The following LSAMP variants were observed in gnomAD, a reference collection of about 807,000 sequenced individuals.
LSAMP encodes the protein limbic system associated membrane protein, also known as limbic system-associated membrane protein.
Under a neutral mutation model 38.6 loss-of-function variants are expected in LSAMP, and 7 were observed. The observed-to-expected ratio is 0.18, with a 90% CI of 0.10 to 0.34. The LOEUF is 0.34. LSAMP is among the 10% of genes least tolerant of loss of function. LSAMP has a pLI of 1.00. For synonymous variants in LSAMP, 154 were observed against 166.8 expected, an observed-to-expected ratio of 0.92 and a Z score of 0.59; for missense variants, 313 against 420.0, an observed-to-expected ratio of 0.75 and a Z score of 2.23.
intron 3 of LSAMP, among the ~76,000 whole-genome samples, chr3:115,952,778 T>A (rs2107580374): frequency 6.6e-6 from 1 of 152,286 alleles, no homozygotes; most frequent in South Asian, 2.1e-4. Context: ...GGGCCTGATC[T>A]CTTGCAGAAA....
chr3:116,008,881 G>C (rs1940243777), intron 3 of LSAMP, among the ~76,000 whole-genome samples: 1 of 152,040 alleles, frequency 6.6e-6, no homozygotes, highest in African/African-American at 2.4e-5. Context: ...GGGATCTTGA[G>C]GAAATGCAGA....
chr3:116,442,511 C>T (rs1035302154), intron 1 of LSAMP, among the ~76,000 whole-genome samples: 1 of 152,086 alleles, frequency 6.6e-6, no homozygotes, highest in Non-Finnish European at 1.5e-5. Flanking sequence ...GAGCACCATT[C>T]TTCACCAGGA....
intron 1 of LSAMP, among the ~76,000 whole-genome samples, chr3:116,090,067 G>T (rs998448082): frequency 4.6e-5 from 7 of 151,498 alleles, no homozygotes; most frequent in African/African-American, 1.7e-4. Context: ...AAAATGGTAG[G>T]ACCAGGCACG....
In LSAMP at chr3:115,852,083, G is replaced by A. The variant is rs141832042; in HGVS notation, c.649+400C>T. 5.9e-5 allele frequency among the ~76,000 whole-genome samples: 9 copies of A among 152,276 alleles called. No individual in the cohort carries two copies. The South Asian group carries it at 1.5e-3, about 25-fold the overall frequency. ...ATAGCAGAGGATAAAATATAATCTT[G>A]AGGCATTCCCTCCTGACAAACAATG... On this transcript the variant is annotated intron_variant, in intron 4 of 6. Coordinates refer to ENST00000490035, the MANE Select transcript of LSAMP (RefSeq NM_002338.5).
intron 1 of LSAMP, among the ~76,000 whole-genome samples, chr3:116,391,943 A>G (rs1036891828): frequency 6.6e-6 from 1 of 152,084 alleles, no homozygotes; most frequent in Admixed American, 6.5e-5. Context: ...GCCAACCCTG[A>G]CACTCCAAAT....
At position 116,290,719 on chromosome 3, in the gene LSAMP, G is replaced by A. The variant is rs1348458173; in HGVS notation, c.155+154158C>T. ...CACTCCAGCCTGGGTGACAGAGCGA[G>A]ACTCTGTCTCACAAAAATAATAATA... On this transcript the variant is annotated intron_variant, in intron 1 of 6. Coordinates refer to ENST00000490035, the MANE Select transcript of LSAMP (RefSeq NM_002338.5). 2.8e-5 allele frequency among the ~76,000 whole-genome samples: 4 copies of A among 142,684 alleles called. No homozygotes were observed. The South Asian group carries it at 7.0e-4, about 25-fold the overall frequency. 93.6% of individuals were successfully genotyped at this position (142,684 alleles called of 152,430 possible).
At chr3:115,966,020 G>T (rs536730719) in intron 3 of LSAMP, among the ~76,000 whole-genome samples, 28 of 152,116 alleles carry the variant, frequency 1.8e-4, no homozygotes, top group Middle Eastern at 3.4e-3. Context: ...TTGTTAGCTG[G>T]CTCCATGGCA....
chr3:116,204,529 T>C (rs2046038371), intron 1 of LSAMP, among the ~76,000 whole-genome samples: 1 of 150,720 alleles, frequency 6.6e-6, no homozygotes, highest in African/African-American at 2.4e-5. Flanking sequence ...GTTTTTATGG[T>C]TTTAGGTCTA....
chr3:115,863,992 T>C (rs1270332479), intron 3 of LSAMP, among the ~76,000 whole-genome samples: 1 of 152,082 alleles, frequency 6.6e-6, no homozygotes, highest in Non-Finnish European at 1.5e-5. Flanking sequence ...TCTAATTAGG[T>C]GGACAAAAAG....
At chr3:116,327,664 T>C (rs889840371) in intron 1 of LSAMP, among the ~76,000 whole-genome samples, 1 of 152,210 alleles carries the variant, frequency 6.6e-6, no homozygotes, top group African/African-American at 2.4e-5. Flanking sequence ...CACTGAATTT[T>C]AGATCCATTC....
chr3:116,210,588 G>T (rs1250998680), intron 1 of LSAMP, among the ~76,000 whole-genome samples: 1 of 152,148 alleles, frequency 6.6e-6, no homozygotes, highest in African/African-American at 2.4e-5. Flanking sequence ...GACTCGGACT[G>T]GCTTCCTGGC....
At chr3:116,308,158 C>G (rs114851380) in intron 1 of LSAMP, among the ~76,000 whole-genome samples, 1,800 of 152,006 alleles carry the variant, frequency 0.012, 47 homozygotes, top group African/African-American at 0.042. Context: ...CCTATTAGAT[C>G]CTGCTTTTCC....
At chr3:116,126,072 A>T (rs1303170362) in intron 1 of LSAMP, among the ~76,000 whole-genome samples, 1 of 152,246 alleles carries the variant, frequency 6.6e-6, no homozygotes, top group Non-Finnish European at 1.5e-5. Context: ...ACTTTGGAAG[A>T]TGGGAATAAA....
intron 3 of LSAMP, among the ~76,000 whole-genome samples, chr3:116,014,362 A>T (rs1473968759): frequency 5.9e-5 from 9 of 152,194 alleles, no homozygotes; most frequent in Non-Finnish European, 1.2e-4. Context: ...GTCAAGATTA[A>T]TCTGAGTATA....
intron 1 of LSAMP, among the ~76,000 whole-genome samples, chr3:116,328,687 GA>G (rs1043477717): frequency 9.9e-5 from 15 of 152,104 alleles, no homozygotes; most frequent in African/African-American, 3.6e-4. Flanking sequence ...TGTCAACAAA[GA>G]AGGCCCATCT....
At chr3:116,063,242 T>C (rs1314565396) in intron 2 of LSAMP, among the ~76,000 whole-genome samples, 2 of 152,288 alleles carry the variant, frequency 1.3e-5, no homozygotes, top group East Asian at 3.9e-4. Flanking sequence ...TTAAATATTT[T>C]ACAATAGAAA....
chr3:115,917,198 A>G (rs1937270488), intron 3 of LSAMP, among the ~76,000 whole-genome samples: 1 of 152,224 alleles, frequency 6.6e-6, no homozygotes, highest in Admixed American at 6.5e-5. Flanking sequence ...TATTAAGGTG[A>G]GGGTTGAACT....
At chr3:115,876,609 A>G (rs1936186221) in intron 3 of LSAMP, among the ~76,000 whole-genome samples, 2 of 152,102 alleles carry the variant, frequency 1.3e-5, no homozygotes, top group Admixed American at 1.3e-4. Flanking sequence ...AACCATGTGC[A>G]GTGACTTCAC....
intron 3 of LSAMP, among the ~76,000 whole-genome samples, chr3:115,998,805 C>T (rs1939902569): frequency 6.6e-6 from 1 of 152,004 alleles, no homozygotes; most frequent in Non-Finnish European, 1.5e-5. Flanking sequence ...CCCAGTTCTC[C>T]CATCTCCCGC....
Sources: gnomAD v4.1 joint callset for allele counts (sites outside exome capture counted in the v4.1 genomes callset) on GRCh38, gnomAD v4.1.1 for gene constraint, MANE v1.5 for transcripts, NCBI Gene and HGNC (gene_info 2026-07-23, HGNC 2026-07-21) for gene names.